Variants in CABCOCO1 observed in about 807,000 individuals in gnomAD.
The protein encoded by CABCOCO1 is ciliary-associated calcium-binding coiled-coil protein 1.
Under a neutral mutation model 35.7 loss-of-function variants are expected in CABCOCO1, and 28 were observed. The ratio of observed to expected loss-of-function variants is 0.78; its 90% CI spans 0.58 to 1.07. The LOEUF (loss-of-function observed/expected upper bound fraction) is 1.07, where lower values mean the gene tolerates loss of function less well. CABCOCO1 is among the 50% of genes least tolerant of loss of function. The pLI is 0.00. For synonymous variants in CABCOCO1, 95 were observed against 100.1 expected (o/e 0.95, Z 0.30); for missense variants, 326 against 309.2 (o/e 1.05, Z -0.41).
At chr10:61,735,902 A>G (rs1237285928) in intron 5 of CABCOCO1, among the ~76,000 whole-genome samples, 1 of 152,166 alleles carries the variant, frequency 6.6e-6, no homozygotes, top group Non-Finnish European at 1.5e-5. Flanking sequence ...CGCTTCTCTA[A>G]TTATCAGTGA....
At chr10:61,681,462 C>A in intron 3 of CABCOCO1, 150 bp downstream of exon 3, 1 of 552,926 alleles carries the variant, frequency 1.8e-6, no homozygotes, top group Non-Finnish European at 3.0e-6. Flanking sequence ...TTCCTATCTC[C>A]ATTGAGTTAT....
At chr10:61,688,013 A>G (rs1191030429) in intron 4 of CABCOCO1, among the ~76,000 whole-genome samples, 1 of 152,088 alleles carries the variant, frequency 6.6e-6, no homozygotes, top group Non-Finnish European at 1.5e-5. Flanking sequence ...TTTAGCGGGG[A>G]CTGAGAGGAG....
In CABCOCO1 at chr10:61,680,534, A is replaced by ATTATGTTATATATAACATATTATATG. The variant is rs1564532392; in HGVS notation, c.165-589_165-588insTATATGTTATGTTATATATAACATAT. Among the ~76,000 whole-genome samples, 93 of 56,842 alleles carry ATTATGTTATATATAACATATTATATG rather than the reference A, an allele frequency of 1.6e-3. 1 individual carries two copies. Among genetic ancestry groups the ATTATGTTATATATAACATATTATATG allele is most frequent in the Admixed American group, 2.8e-3 (11 of 3,978 alleles). The allele number at this position is 56,842 out of a possible 152,430, so 37.3% of individuals were successfully genotyped here. A position where few individuals can be genotyped will look rare whatever the true frequency, so the allele number is the denominator to read the frequency against. On this transcript the variant is annotated intron_variant, in intron 2 of 7. Coordinates refer to ENST00000648843, the MANE Select transcript of CABCOCO1 (RefSeq NM_001366906.2). ...TTATATATAACATATTATATGTTAT[A>ATTATGTTATATATAACATATTATATG]TTATGTTATATATAACATATAATAT...
intron 5 of CABCOCO1, among the ~76,000 whole-genome samples, chr10:61,728,306 A>G (rs1015978351): frequency 1.3e-5 from 2 of 152,180 alleles, no homozygotes; most frequent in Non-Finnish European, 2.9e-5. Flanking sequence ...AACACTTGAC[A>G]TGTCAGTTCT....
chr10:61,685,852 C>T (rs552401046), intron 3 of CABCOCO1, among the ~76,000 whole-genome samples, 189 bp from the exon 4 acceptor site: 6 of 152,292 alleles, frequency 3.9e-5, no homozygotes, highest in African/African-American at 1.2e-4. Flanking sequence ...CTTGAGCCAC[C>T]GTGCCCAGCC....
intron 2 of CABCOCO1, among the ~76,000 whole-genome samples, chr10:61,676,433 C>T (rs1839514471): frequency 6.6e-6 from 1 of 151,990 alleles, no homozygotes. Flanking sequence ...CAAAAATAGG[C>T]AAGCACATGA....
intron 5 of CABCOCO1, among the ~76,000 whole-genome samples, chr10:61,741,652 AGACT>A (rs1461447001): frequency 6.6e-5 from 10 of 152,346 alleles, no homozygotes; most frequent in African/African-American, 1.2e-4. Flanking sequence ...GCTAGAAAAA[AGACT>A]GACTAATTTT....
chr10:61,727,501 C>T (rs180831630), intron 5 of CABCOCO1, among the ~76,000 whole-genome samples: 2 of 152,256 alleles, frequency 1.3e-5, no homozygotes, highest in African/African-American at 4.8e-5. Context: ...CCCTTATACA[C>T]AGAATTTCTC....
Position 61,760,086 on chromosome 10 carries a change from T to C in CABCOCO1, c.580T>C (p.Cys194Arg), listed in dbSNP as rs374104809. 3.7e-6 allele frequency: 6 copies of C among 1,612,928 alleles called. No individual in the cohort carries two copies. Among genetic ancestry groups the C allele is most frequent in the Non-Finnish European group, 5.1e-6 (6 of 1,179,244 alleles). ...EQVIEVVKSA[C>R]GPFPNPLEEG... The stretch of plus-strand genomic sequence containing the variant: ...AGTGATAGAGGTTGTCAAGTCTGCA[T>C]GTGGCCCTTTCCCAAATCCTCTGGA... The change falls in exon 6 of 8, where the codon TGT (cysteine) becomes CGT (arginine). Residue 194 changes from cysteine to arginine, a missense_variant. Cys to Arg is a radical substitution (Grantham distance 180, BLOSUM62 -3). Transcript: ENST00000648843.
At chr10:61,728,730 G>A (rs773874679) in intron 5 of CABCOCO1, among the ~76,000 whole-genome samples, 38 of 152,140 alleles carry the variant, frequency 2.5e-4, no homozygotes, top group Admixed American at 9.8e-4. Flanking sequence ...GGAGACTAGC[G>A]AGATGGAGCT....
chr10:61,720,038 G>A (rs1316975299), intron 5 of CABCOCO1, among the ~76,000 whole-genome samples: 2 of 151,972 alleles, frequency 1.3e-5, no homozygotes, highest in Non-Finnish European at 2.9e-5. Context: ...GCATAGGACT[G>A]CCGTCTCTGA....
intron 5 of CABCOCO1, among the ~76,000 whole-genome samples, chr10:61,727,676 T>A (rs1454929232): frequency 6.6e-6 from 1 of 152,218 alleles, no homozygotes; most frequent in Non-Finnish European, 1.5e-5. Context: ...TTTTCTGTAT[T>A]TTCTGTAGCG....
At chr10:61,736,053 A>G (rs181148904) in intron 5 of CABCOCO1, among the ~76,000 whole-genome samples, 1 of 152,222 alleles carries the variant, frequency 6.6e-6, no homozygotes, top group Non-Finnish European at 1.5e-5. Context: ...TAGATGCTGA[A>G]TATTAGACAT....
chr10:61,701,726 A>G, intron 5 of CABCOCO1: 8 of 985,232 alleles, frequency 8.1e-6, no homozygotes, highest in Non-Finnish European at 9.6e-6. Flanking sequence ...AAACTGTATC[A>G]GGTTCAGCAA....
chr10:61,665,034 A>G (rs1031490101), intron 1 of CABCOCO1, among the ~76,000 whole-genome samples: 4 of 152,240 alleles, frequency 2.6e-5, no homozygotes, highest in African/African-American at 9.6e-5. Context: ...CAACTGAGCC[A>G]AGCAGTTCTG....
intron 5 of CABCOCO1, among the ~76,000 whole-genome samples, chr10:61,707,975 G>T (rs545557886): frequency 6.6e-6 from 1 of 151,850 alleles, no homozygotes; most frequent in Admixed American, 6.6e-5. Flanking sequence ...CAAAATAAGG[G>T]GACTAATATC....
chr10:61,680,575 A>ATT (rs1246596972), intron 2 of CABCOCO1, among the ~76,000 whole-genome samples: 1 of 95,314 alleles, frequency 1.0e-5, no homozygotes, highest in African/African-American at 4.5e-5. Flanking sequence ...TGTATATATT[A>ATT]TGTTATATAT....
chr10:61,756,350 A>C (rs538508286), intron 5 of CABCOCO1, among the ~76,000 whole-genome samples: 2 of 152,164 alleles, frequency 1.3e-5, no homozygotes, highest in African/African-American at 4.8e-5. Flanking sequence ...ATGCAAAACT[A>C]ATTTTCTAGC....
intron 5 of CABCOCO1, among the ~76,000 whole-genome samples, chr10:61,734,129 T>C (rs1314418777): frequency 6.6e-6 from 1 of 152,000 alleles, no homozygotes; most frequent in East Asian, 1.9e-4. Context: ...TCAAAATAAT[T>C]TGGTTCATTT....
Sources: gnomAD v4.1 joint callset for allele counts (sites outside exome capture counted in the v4.1 genomes callset) on GRCh38, gnomAD v4.1.1 for gene constraint, MANE v1.5 for transcripts, NCBI Gene and HGNC (gene_info 2026-07-23, HGNC 2026-07-21) for gene names.